Variants in DPP6 observed in about 807,000 individuals in gnomAD.
The protein encoded by DPP6 is A-type potassium channel modulatory protein DPP6.
A neutral mutation model predicts 122.6 loss-of-function variants in DPP6; 69 were observed. That is an observed-to-expected ratio of 0.56 (90% CI 0.46 to 0.69). DPP6 has a LOEUF of 0.69. Ranked by LOEUF, DPP6 falls within the 30% of genes least tolerant of loss-of-function variation. DPP6 has a pLI of 0.00. For missense variants in DPP6, 928 were observed against 1,116.9 expected, an observed-to-expected ratio of 0.83 and a Z score of 2.41; for synonymous variants, 418 against 433.1, an observed-to-expected ratio of 0.97 and a Z score of 0.43.
chr7:153,888,136 G>A (rs1055592054), intron 1 of DPP6, among the ~76,000 whole-genome samples: 2 of 152,142 alleles, frequency 1.3e-5, no homozygotes, highest in African/African-American at 4.8e-5. Context: ...GGGCCCTGGC[G>A]CCCGCGCCGG....
chr7:154,632,732 G>T (rs1835481306), intron 5 of DPP6, among the ~76,000 whole-genome samples: 1 of 150,124 alleles, frequency 6.7e-6, no homozygotes, highest in Non-Finnish European at 1.5e-5. Flanking sequence ...AGGATGTAAA[G>T]GGAGTAGATG....
At chr7:153,890,771 C>T (rs1386119868) in intron 1 of DPP6, among the ~76,000 whole-genome samples, 2 of 130,322 alleles carry the variant, frequency 1.5e-5, no homozygotes, top group Non-Finnish European at 3.1e-5. Flanking sequence ...AATCTCAGTT[C>T]ACTCCTCCCC....
At chr7:154,773,401 G>T (rs74983158) in intron 10 of DPP6, among the ~76,000 whole-genome samples, 9,145 of 152,266 alleles carry the variant, frequency 0.06, 295 homozygotes, top group East Asian at 0.11. Flanking sequence ...CCTGTGGAAG[G>T]TATTAACAAT....
chr7:153,966,970 G>C (rs1795775521), intron 1 of DPP6, among the ~76,000 whole-genome samples: 1 of 151,070 alleles, frequency 6.6e-6, no homozygotes, highest in Non-Finnish European at 1.5e-5. Flanking sequence ...GGGAGGCTGA[G>C]GTGGGAAGAT....
intron 1 of DPP6, among the ~76,000 whole-genome samples, chr7:154,250,191 G>A (rs1053953696): frequency 3.3e-5 from 5 of 152,030 alleles, no homozygotes; most frequent in East Asian, 1.9e-4. Flanking sequence ...TTGCTCACTC[G>A]GGAGCTTGGT....
intron 1 of DPP6, among the ~76,000 whole-genome samples, chr7:154,018,885 A>T (rs1230780263): frequency 1.3e-5 from 2 of 152,068 alleles, no homozygotes; most frequent in East Asian, 3.9e-4. Flanking sequence ...TTGTAATGGC[A>T]TTTCTACCAC....
intron 4 of DPP6, among the ~76,000 whole-genome samples, chr7:154,551,938 A>G (rs971198332): frequency 2.0e-5 from 3 of 152,120 alleles, no homozygotes; most frequent in Non-Finnish European, 4.4e-5. Context: ...AAAATTTTTT[A>G]TGGAAGCTTC....
intron 1 of DPP6, among the ~76,000 whole-genome samples, chr7:153,945,581 C>T (rs530536486): frequency 5.3e-5 from 8 of 152,196 alleles, no homozygotes; most frequent in South Asian, 4.2e-4. Flanking sequence ...ACAGGGTTGG[C>T]GGTGGAGGCG....
rs540154596 is a variant in DPP6 at position 154,880,613 on chromosome 7, G to A, written c.2079-275G>A. Reference sequence around the variant, plus strand: ...CTGCGTCTCCCAGAAGGGGCTCTGCGGCTGTGGATTAATGGCTCGCAGTCG... The same window carrying A: ...CTGCGTCTCCCAGAAGGGGCTCTGCAGCTGTGGATTAATGGCTCGCAGTCG... On this transcript the variant is annotated intron_variant, in intron 20 of 25. Coordinates refer to ENST00000377770, the MANE Select transcript of DPP6 (RefSeq NM_130797.4). Among the ~76,000 whole-genome samples, 15 of 152,342 alleles carry A rather than the reference G, an allele frequency of 9.8e-5. No homozygotes were observed. In the East Asian group the frequency reaches 1.2e-3, roughly 12 times the overall value.
At chr7:154,025,444 AG>A (rs1798920834) in intron 1 of DPP6, among the ~76,000 whole-genome samples, 1 of 112,042 alleles carries the variant, frequency 8.9e-6, no homozygotes, top group South Asian at 3.7e-4. Flanking sequence ...TTCATCCTGT[AG>A]TGCTATGTTT....
At chr7:154,221,264 C>A (rs898785329) in intron 1 of DPP6, among the ~76,000 whole-genome samples, 6 of 152,106 alleles carry the variant, frequency 3.9e-5, no homozygotes, top group African/African-American at 1.4e-4. Flanking sequence ...CCTCAGCCTC[C>A]CAAGTAGATG....
intron 7 of DPP6, among the ~76,000 whole-genome samples, chr7:154,713,269 C>A (rs950500527): frequency 2.0e-5 from 3 of 152,212 alleles, no homozygotes; most frequent in African/African-American, 7.2e-5. Context: ...TTGTCTGTGG[C>A]CTTTCCAGGT....
the DPP6 span, among the ~76,000 whole-genome samples, chr7:153,876,937 T>C: frequency 6.6e-6 from 1 of 152,098 alleles, no homozygotes; most frequent in Non-Finnish European, 1.5e-5. Flanking sequence ...AAGAAATAAA[T>C]AATGTTACAT....
intron 8 of DPP6, among the ~76,000 whole-genome samples, chr7:154,766,999 C>T (rs534274481): frequency 6.6e-6 from 1 of 152,262 alleles, no homozygotes; most frequent in African/African-American, 2.4e-5. Flanking sequence ...TATCATCCCT[C>T]TGGTCTCAGA....
intron 1 of DPP6, among the ~76,000 whole-genome samples, chr7:154,127,652 G>GACACACACACACAGACACACACACACAC (rs1808025646): frequency 2.5e-5 from 2 of 79,106 alleles, no homozygotes; most frequent in African/African-American, 6.7e-5. Flanking sequence ...CACACACACA[G>GACACACACACACAGACACACACACACAC]ACACACACAC....
At chr7:154,804,453 A>G (rs909378758) in intron 14 of DPP6, among the ~76,000 whole-genome samples, 71 of 152,282 alleles carry the variant, frequency 4.7e-4, no homozygotes, top group African/African-American at 1.6e-3. Context: ...CCACCATACA[A>G]TTTCACCTCC....
Position 154,889,325 on chromosome 7 carries a change from C to G in DPP6, c.2358C>G (p.Ile786Met). The change falls in exon 24 of 26, where the codon ATC (isoleucine) becomes ATG (methionine). Residue 786 changes from isoleucine (I) to methionine (M), a missense_variant. Physicochemically the swap from Ile to Met is conservative, Grantham distance 10. Coordinates refer to ENST00000377770, the MANE Select transcript of DPP6 (RefSeq NM_130797.4). ...VSALEEQQFL[I>M]IHPTADEKIH... ...CGCTGGAAGAACAGCAGTTCCTGAT[C>G]ATTCATCCCACTGCCGATGGTAAGG... 2 of 1,612,966 alleles carry G rather than the reference C, an allele frequency of 1.2e-6. No individual in the cohort carries two copies. The highest frequency in any genetic ancestry group is 1.7e-6 in the Non-Finnish European group (2 of 1,179,658).
At chr7:153,815,334 C>CATATTATA in the DPP6 span, among the ~76,000 whole-genome samples, 72 of 152,144 alleles carry the variant, frequency 4.7e-4, no homozygotes, top group African/African-American at 1.5e-3. Flanking sequence ...CATATAAACG[C>CATATTATA]TGGAATCCTG....
chr7:153,848,385 T>C, the DPP6 span, among the ~76,000 whole-genome samples: 1 of 151,898 alleles, frequency 6.6e-6, no homozygotes, highest in African/African-American at 2.4e-5. Context: ...CACTTCCTTG[T>C]TATCTGCTCT....
Sources: gnomAD v4.1 joint callset for allele counts (sites outside exome capture counted in the v4.1 genomes callset) on GRCh38, gnomAD v4.1.1 for gene constraint, MANE v1.5 for transcripts, NCBI Gene and HGNC (gene_info 2026-07-23, HGNC 2026-07-21) for gene names.